Variants in PARD3B observed in about 807,000 individuals in gnomAD.
PARD3B encodes the protein par-3 family cell polarity regulator beta, also known as partitioning defective 3 homolog B.
A neutral mutation model predicts 130.2 loss-of-function variants in PARD3B; 103 were observed. That is an observed-to-expected ratio of 0.79 (90% CI 0.67 to 0.93). The LOEUF (loss-of-function observed/expected upper bound fraction) is 0.93, where lower values mean the gene tolerates loss of function less well. Among genes scored for constraint, PARD3B ranks in the 40% least tolerant of loss-of-function variants. The pLI is 0.00. For missense variants in PARD3B, 1,609 were observed against 1,499.2 expected (o/e 1.07, Z -1.21); for synonymous variants, 583 against 553.2 (o/e 1.05, Z -0.76).
intron 2 of PARD3B, among the ~76,000 whole-genome samples, chr2:204,955,541 G>A (rs1236820565): frequency 2.0e-5 from 3 of 152,330 alleles, no homozygotes; most frequent in South Asian, 4.1e-4. Flanking sequence ...CTTGGATATA[G>A]CAGAAAATGT....
chr2:204,643,043 G>A (rs558182598), intron 1 of PARD3B, among the ~76,000 whole-genome samples: 31 of 144,470 alleles, frequency 2.1e-4, no homozygotes, highest in Middle Eastern at 3.7e-3. Flanking sequence ...GAACCCGGGG[G>A]GCGCAGATTG....
intron 2 of PARD3B, among the ~76,000 whole-genome samples, chr2:204,921,501 TAA>T (rs386654360): frequency 6.6e-6 from 1 of 151,864 alleles, no homozygotes; most frequent in Non-Finnish European, 1.5e-5. Flanking sequence ...GAAGTCTAGT[TAA>T]GATGTTTTGA....
intron 2 of PARD3B, among the ~76,000 whole-genome samples, chr2:204,918,453 AC>A (rs1473434674): frequency 9.2e-5 from 14 of 151,700 alleles, no homozygotes; most frequent in Admixed American, 7.2e-4. Flanking sequence ...AAACGGTGAA[AC>A]CCCGTCTCTA....
chr2:205,565,910 CA>C (rs78064685), intron 22 of PARD3B, among the ~76,000 whole-genome samples: 3,189 of 63,626 alleles, frequency 0.05, 45 homozygotes, highest in South Asian at 0.21. Flanking sequence ...CTGCCCATTA[CA>C]AAAAAAAAAA....
chr2:204,898,696 C>G (rs1176837147), intron 2 of PARD3B, among the ~76,000 whole-genome samples: 1 of 152,142 alleles, frequency 6.6e-6, no homozygotes, highest in Non-Finnish European at 1.5e-5. Context: ...TCTGGATGAT[C>G]TGTCTCAAGC....
chr2:205,600,684 G>A (rs2054749168), intron 22 of PARD3B, among the ~76,000 whole-genome samples: 1 of 152,158 alleles, frequency 6.6e-6, no homozygotes, highest in South Asian at 2.1e-4. Flanking sequence ...GTCCCAGTGT[G>A]TGTTGTTCCC....
chr2:204,846,867 A>G (rs1477151093), intron 2 of PARD3B, among the ~76,000 whole-genome samples: 3 of 152,018 alleles, frequency 2.0e-5, no homozygotes, highest in Admixed American at 1.3e-4. Flanking sequence ...CACAGGGAAT[A>G]TGCCCAGTCC....
intron 3 of PARD3B, among the ~76,000 whole-genome samples, chr2:205,012,563 A>G (rs1032377453): frequency 1.3e-5 from 2 of 152,214 alleles, no homozygotes; most frequent in Non-Finnish European, 2.9e-5. Flanking sequence ...AATGGTCAGT[A>G]GTATACTGTC....
intron 2 of PARD3B, among the ~76,000 whole-genome samples, chr2:204,785,624 C>G (rs185191247): frequency 4.2e-4 from 64 of 152,324 alleles, no homozygotes; most frequent in African/African-American, 1.4e-3. Context: ...CTCTAGTCCC[C>G]TTATCTAGGC....
At chr2:205,502,175 G>T (rs1575178933) in intron 21 of PARD3B, among the ~76,000 whole-genome samples, 1 of 152,160 alleles carries the variant, frequency 6.6e-6, no homozygotes, top group South Asian at 2.1e-4. Context: ...AGTGTCTTTT[G>T]TTCAGCGTAG....
intron 3 of PARD3B, among the ~76,000 whole-genome samples, chr2:205,046,223 T>C (rs1698765913): frequency 6.6e-6 from 1 of 151,964 alleles, no homozygotes; most frequent in South Asian, 2.1e-4. Context: ...TAAAATTTTA[T>C]GGTACTTTTT....
At chr2:205,129,340 G>C (rs1016437150) in intron 10 of PARD3B, among the ~76,000 whole-genome samples, 1 of 152,214 alleles carries the variant, frequency 6.6e-6, no homozygotes, top group Non-Finnish European at 1.5e-5. Flanking sequence ...AAAAAGAGGT[G>C]ATGTTTGGCA....
chr2:205,170,088 G>T (rs1470050565), intron 11 of PARD3B, among the ~76,000 whole-genome samples: 1 of 151,826 alleles, frequency 6.6e-6, no homozygotes, highest in Non-Finnish European at 1.5e-5. Context: ...GCACCACCGC[G>T]CCCAGCTAAT....
At position 205,321,092 on chromosome 2, in the gene PARD3B, C is replaced by G. The variant is rs976064590; in HGVS notation, c.2630+19391C>G. ...CTAACAATCTGCTTAGGAAGTAGGT[C>G]TTAAATAATTGATGATAACTGTAGC... On this transcript the variant is annotated intron_variant, in intron 18 of 22. Transcript: ENST00000406610. This position sits in a 1 kb window ranked among gnomAD's most constrained non-coding sequence, Gnocchi z 4.2. Among the ~76,000 whole-genome samples, 2 of 152,060 alleles carry G rather than the reference C, an allele frequency of 1.3e-5. No individual in the cohort carries two copies. Among genetic ancestry groups the G allele is most frequent in the Non-Finnish European group, 2.9e-5 (2 of 68,002 alleles).
At chr2:204,911,463 A>T (rs1044257211) in intron 2 of PARD3B, among the ~76,000 whole-genome samples, 5 of 152,174 alleles carry the variant, frequency 3.3e-5, no homozygotes, top group African/African-American at 1.2e-4. Context: ...TTTATATATC[A>T]TTTTCAGAGA....
chr2:205,221,312 A>G (rs1396714681), intron 15 of PARD3B, among the ~76,000 whole-genome samples: 1 of 152,052 alleles, frequency 6.6e-6, no homozygotes, highest in Admixed American at 6.6e-5. Flanking sequence ...AGTGCCTAGC[A>G]TGGTGCCCGA....
At chr2:204,614,955 G>A (rs1017492743) in intron 1 of PARD3B, among the ~76,000 whole-genome samples, 6 of 152,006 alleles carry the variant, frequency 3.9e-5, no homozygotes, top group Admixed American at 1.3e-4. Context: ...TGCAAGAACG[G>A]CCTAATACAC....
At chr2:204,744,138 C>T (rs573892375) in intron 2 of PARD3B, among the ~76,000 whole-genome samples, 9 of 152,262 alleles carry the variant, frequency 5.9e-5, no homozygotes, top group African/African-American at 2.2e-4. Flanking sequence ...ATGAGAACAA[C>T]TGAATTGTAA....
intron 20 of PARD3B, among the ~76,000 whole-genome samples, chr2:205,492,376 C>T (rs11679176): frequency 0.43 from 65,319 of 151,918 alleles, 15,323 homozygotes; most frequent in Middle Eastern, 0.64. Flanking sequence ...AACAAAGACC[C>T]CTTAATTTAG....
Sources: allele counts gnomAD v4.1 joint callset (sites outside exome capture counted in the v4.1 genomes callset), GRCh38; gene constraint gnomAD v4.1.1; non-coding constraint Gnocchi (gnomAD v3.1); transcripts MANE v1.5; gene names NCBI Gene and HGNC (gene_info 2026-07-23, HGNC 2026-07-21).